The following TXNDC16 variants were observed in gnomAD, a reference collection of about 807,000 sequenced individuals.
The protein encoded by TXNDC16 is thioredoxin domain-containing protein 16.
TXNDC16 carries 74 observed loss-of-function variants against 85.6 expected under a neutral mutation model. The observed-to-expected ratio is 0.86, with a 90% confidence interval of 0.72 to 1.05. TXNDC16 has a LOEUF of 1.05. TXNDC16 is among the 50% of genes least tolerant of loss of function. The probability of loss-of-function intolerance (pLI) is 0.00; values close to 1 mark genes in which losing one functional copy is unlikely to be tolerated. For missense variants in TXNDC16, 959 were observed against 947.0 expected, an observed-to-expected ratio of 1.01 and a Z score of -0.17; for synonymous variants, 335 against 326.5, an observed-to-expected ratio of 1.03 and a Z score of -0.28.
intron 17 of TXNDC16, among the ~76,000 whole-genome samples, chr14:52,456,055 C>T (rs1463112456): frequency 6.6e-6 from 1 of 152,168 alleles, no homozygotes; most frequent in Non-Finnish European, 1.5e-5. Flanking sequence ...TCCCACAATC[C>T]CTTTCGCTAA....
intron 5 of TXNDC16, 116 bp from the exon 6 acceptor site, chr14:52,536,909 T>G: frequency 3.7e-6 from 3 of 808,192 alleles, no homozygotes; most frequent in African/African-American, 1.7e-5. Context: ...GTTACAGCTG[T>G]GTCTTGTCCA....
chr14:52,517,915 T>C (rs1329805178), intron 7 of TXNDC16, among the ~76,000 whole-genome samples: 1 of 152,174 alleles, frequency 6.6e-6, no homozygotes, highest in Non-Finnish European at 1.5e-5. Context: ...ATATCCCTCC[T>C]ATCAGGCATT....
Position 52,437,777 on chromosome 14 carries a change from AAAG to A in TXNDC16, c.2194+1424_2194+1426del, listed in dbSNP as rs556123909. On this transcript the variant is annotated intron_variant, in intron 20 of 20. Transcript: ENST00000281741. The stretch of plus-strand genomic sequence containing the variant: ...AAAAGATCTGAATAGACACTTCTGA[AAAG>A]AAGACATTCAAACGGAAAATAGGTC... Among the ~76,000 whole-genome samples, 63 of 152,360 alleles carry A rather than the reference AAAG, an allele frequency of 4.1e-4. 1 individual carries two copies. Among genetic ancestry groups the A allele is most frequent in the Middle Eastern group, 6.8e-3 (2 of 294 alleles).
In TXNDC16 at chr14:52,495,788, T is replaced by C. The variant is rs533636792; in HGVS notation, c.757-4783A>G. On this transcript the variant is annotated intron_variant, in intron 9 of 20. Coordinates refer to ENST00000281741, the MANE Select transcript of TXNDC16 (RefSeq NM_020784.3). ...CACAAAGTTTAATACATCATCTACATTTAGTTCCAGGTGCAGGTAAGTCCT... is the reference window on the plus strand; with the variant it reads ...CACAAAGTTTAATACATCATCTACACTTAGTTCCAGGTGCAGGTAAGTCCT... Among the ~76,000 whole-genome samples, 4 of 152,310 alleles carry C rather than the reference T, an allele frequency of 2.6e-5. No homozygotes were observed. In the South Asian group the frequency reaches 8.3e-4, roughly 32 times the overall value.
At chr14:52,461,072 T>G (rs1161218630) in intron 16 of TXNDC16, among the ~76,000 whole-genome samples, 1 of 151,470 alleles carries the variant, frequency 6.6e-6, no homozygotes, top group Non-Finnish European at 1.5e-5. Context: ...TTCTTTTAAT[T>G]TGAAACAATC....
intron 18 of TXNDC16, among the ~76,000 whole-genome samples, chr14:52,447,280 T>G (rs2035307769): frequency 1.3e-5 from 2 of 152,126 alleles, no homozygotes; most frequent in African/African-American, 4.8e-5. Context: ...CAGTACTCCC[T>G]GTGGGCCTGT....
chr14:52,514,869 T>C lies in TXNDC16; in HGVS notation c.605+11A>G. 1.3e-6 allele frequency: 2 copies of C among 1,586,816 alleles called. No homozygotes were observed. Among genetic ancestry groups the C allele is most frequent in the African/African-American group, 1.4e-5 (1 of 73,602 alleles). ...ACCTTTAAATTGTTGACATATGCTT[T>C]TTATACATACCCAATACTTTCCAAA... is the stretch of plus-strand genomic sequence containing the variant. On this transcript the variant is annotated intron_variant, in intron 8 of 20. Coordinates refer to ENST00000281741, the MANE Select transcript of TXNDC16 (RefSeq NM_020784.3).
In TXNDC16 at chr14:52,526,655, C is replaced by T. The variant is rs2037342082; in HGVS notation, c.393-7362G>A. Reference sequence around the variant, plus strand: ...TTTGGTCCCCAACCCTGTTTGCTGGCATGCAACTCCTGACATCCTTACAAT... The same window carrying T: ...TTTGGTCCCCAACCCTGTTTGCTGGTATGCAACTCCTGACATCCTTACAAT... On this transcript the variant is annotated intron_variant, in intron 6 of 20. Coordinates refer to ENST00000281741, the MANE Select transcript of TXNDC16 (RefSeq NM_020784.3). 2.6e-5 allele frequency among the ~76,000 whole-genome samples: 4 copies of T among 152,194 alleles called. No individual in the cohort carries two copies. In the South Asian group the frequency reaches 8.3e-4, roughly 32 times the overall value.
chr14:52,472,102 T>C (rs1363734047), intron 14 of TXNDC16, among the ~76,000 whole-genome samples: 1 of 152,050 alleles, frequency 6.6e-6, no homozygotes, highest in Non-Finnish European at 1.5e-5. Context: ...TTTTCAAAGA[T>C]TCTTGATTAC....
intron 18 of TXNDC16, among the ~76,000 whole-genome samples, chr14:52,443,564 G>C (rs1452723867): frequency 6.6e-6 from 1 of 152,090 alleles, no homozygotes; most frequent in Non-Finnish European, 1.5e-5. Context: ...TCAGACATAG[G>C]GAACATCATG....
chr14:52,450,957 G>T (rs1021839707), intron 18 of TXNDC16, among the ~76,000 whole-genome samples: 6 of 150,946 alleles, frequency 4.0e-5, no homozygotes, highest in Admixed American at 2.6e-4. Flanking sequence ...TAAAAGGAAA[G>T]AAATAATGGC....
intron 9 of TXNDC16, among the ~76,000 whole-genome samples, chr14:52,499,158 T>C (rs538936970): frequency 6.6e-6 from 1 of 152,232 alleles, no homozygotes; most frequent in South Asian, 2.1e-4. Flanking sequence ...TCACAGCATA[T>C]ACAAAAGTTA....
At chr14:52,455,852 T>C (rs1324084960) in intron 17 of TXNDC16, among the ~76,000 whole-genome samples, 1 of 152,172 alleles carries the variant, frequency 6.6e-6, no homozygotes, top group Non-Finnish European at 1.5e-5. Context: ...GGCACTATAC[T>C]AGGTATTTCA....
Position 52,451,410 on chromosome 14 carries a change from A to G in TXNDC16, c.1842+3914T>C, listed in dbSNP as rs577358207. On this transcript the variant is annotated intron_variant, in intron 18 of 20. Coordinates refer to ENST00000281741, the MANE Select transcript of TXNDC16 (RefSeq NM_020784.3). ...GGCATATCAAGAAAACAACAGGCCA[A>G]TATCATTGATGAATATCAATTGATG... Among the ~76,000 whole-genome samples, 3 of 152,300 alleles carry G rather than the reference A, an allele frequency of 2.0e-5. No homozygotes were observed. The East Asian group carries it at 5.8e-4, about 29-fold the overall frequency.
At chr14:52,467,197 C>T (rs550953293) in intron 16 of TXNDC16, among the ~76,000 whole-genome samples, 17 of 151,720 alleles carry the variant, frequency 1.1e-4, no homozygotes, top group African/African-American at 3.9e-4. Flanking sequence ...AAAGGATAAA[C>T]GTTAACTATT....
chr14:52,445,879 C>T (rs368766321), intron 18 of TXNDC16, among the ~76,000 whole-genome samples: 6 of 152,246 alleles, frequency 3.9e-5, no homozygotes, highest in East Asian at 3.9e-4. Context: ...AACTGCCTAT[C>T]GATGCATTTC....
intron 12 of TXNDC16, among the ~76,000 whole-genome samples, chr14:52,484,293 G>C (rs1015451571): frequency 7.2e-5 from 11 of 152,084 alleles, no homozygotes; most frequent in African/African-American, 2.7e-4. Context: ...TTCTCTCTCC[G>C]TATGTTCGTA....
chr14:52,440,867 T>C, intron 18 of TXNDC16, 143 bp from the exon 19 acceptor site: 1 of 675,428 alleles, frequency 1.5e-6, no homozygotes, highest in Non-Finnish European at 2.3e-6. Context: ...GATTTTACTA[T>C]ATTAATAACT....
intron 6 of TXNDC16, among the ~76,000 whole-genome samples, chr14:52,531,735 T>A (rs765809721): frequency 1.3e-5 from 2 of 152,180 alleles, no homozygotes; most frequent in Non-Finnish European, 2.9e-5. Context: ...TAGAAATGTG[T>A]CATACATTTG....
Sources: allele counts gnomAD v4.1 joint callset (sites outside exome capture counted in the v4.1 genomes callset), GRCh38; gene constraint gnomAD v4.1.1; transcripts MANE v1.5; gene names NCBI Gene and HGNC (gene_info 2026-07-23, HGNC 2026-07-21).